Variants in CNTN4 observed in about 807,000 individuals in gnomAD.
The protein encoded by CNTN4 is contactin-4.
In CNTN4, 77 loss-of-function variants were observed where a neutral mutation model predicts 122.5. That is an observed-to-expected ratio of 0.63 (90% CI 0.52 to 0.76). CNTN4 has a LOEUF of 0.76. Ranked by LOEUF, CNTN4 falls within the 30% of genes least tolerant of loss-of-function variation. The pLI is 0.00. For synonymous variants in CNTN4, 512 were observed against 447.0 expected (o/e 1.15, Z -1.83); for missense variants, 1,256 against 1,259.1 (o/e 1.00, Z 0.04).
chr3:2,947,105 C>G (rs2094686978), intron 13 of CNTN4, among the ~76,000 whole-genome samples: 1 of 152,102 alleles, frequency 6.6e-6, no homozygotes, highest in Admixed American at 6.6e-5. Flanking sequence ...TCCTTGTATC[C>G]CAAATTAAGA....
At chr3:3,015,942 T>A (rs1430093884) in intron 14 of CNTN4, among the ~76,000 whole-genome samples, 3 of 152,248 alleles carry the variant, frequency 2.0e-5, no homozygotes, top group African/African-American at 7.2e-5. Context: ...ACATTGACTA[T>A]GATGAAATTT....
At chr3:2,117,478 T>C (rs1381027794) in intron 2 of CNTN4, among the ~76,000 whole-genome samples, 1 of 152,196 alleles carries the variant, frequency 6.6e-6, no homozygotes, top group Non-Finnish European at 1.5e-5. Context: ...GATCAAAGTA[T>C]TGGCCATTGG....
In CNTN4 at chr3:2,547,230, ATATTTATTTATTTATTTATTTATT is replaced by A. The variant is rs34165597; in HGVS notation, c.-88-24160_-88-24137del. ...AGAGAAGAGATCAGGGTTTTGTATGATATTTATTTATTTATTTATTTATTTATTTATTTATTTATTTATTTATTT... is the reference window on the plus strand; with the variant it reads ...AGAGAAGAGATCAGGGTTTTGTATGATATTTATTTATTTATTTATTTATTT... On this transcript the variant is annotated intron_variant, in intron 3 of 24. Transcript: ENST00000418658. 9.4e-3 allele frequency among the ~76,000 whole-genome samples: 1,358 copies of A among 144,318 alleles called. 12 individuals carry two copies. Among genetic ancestry groups the A allele is most frequent in the Middle Eastern group, 0.025 (7 of 280 alleles). The allele number at this position is 144,318 out of a possible 152,430, so 94.7% of individuals were successfully genotyped here.
chr3:2,807,765 C>T lies in CNTN4; in HGVS notation c.359-11721C>T, dbSNP rs558662832. 2.0e-5 allele frequency among the ~76,000 whole-genome samples: 3 copies of T among 152,190 alleles called. No individual in the cohort carries two copies. The South Asian group carries it at 6.2e-4, about 32-fold the overall frequency. On this transcript the variant is annotated intron_variant, in intron 6 of 24. Transcript: ENST00000418658. Reference sequence around the variant, plus strand: ...TAGTTCAAAATCCTGAAACTGAGTACAGAGTGAAGAGTCTTCTATTAGCTT... The same window carrying T: ...TAGTTCAAAATCCTGAAACTGAGTATAGAGTGAAGAGTCTTCTATTAGCTT...
chr3:2,508,379 A>G (rs571598279), intron 3 of CNTN4, among the ~76,000 whole-genome samples: 2 of 152,350 alleles, frequency 1.3e-5, no homozygotes, highest in Admixed American at 1.3e-4. Context: ...ACTTTCAAGA[A>G]GAAGCAATGA....
chr3:2,524,020 C>G lies in CNTN4; in HGVS notation c.-88-47396C>G, dbSNP rs1351279. Among the ~76,000 whole-genome samples, 588 of 152,168 alleles carry G rather than the reference C, an allele frequency of 3.9e-3. 5 individuals carry two copies. The highest frequency in any genetic ancestry group is 0.013 in the African/African-American group (557 of 41,540). ...ATGGTATAATTCTTATGTCATACAA[C>G]TAACACATTTAAATTGTACAATTCA... On this transcript the variant is annotated intron_variant, in intron 3 of 24. Transcript: ENST00000418658.
At chr3:2,558,045 G>A (rs2078794366) in intron 3 of CNTN4, among the ~76,000 whole-genome samples, 1 of 152,108 alleles carries the variant, frequency 6.6e-6, no homozygotes, top group African/African-American at 2.4e-5. Flanking sequence ...TAGCTCCACT[G>A]ATGTAAAAAC....
intron 2 of CNTN4, among the ~76,000 whole-genome samples, chr3:2,283,495 CA>C (rs1266334754): frequency 2.0e-5 from 3 of 151,996 alleles, no homozygotes; most frequent in Non-Finnish European, 4.4e-5. Context: ...AACAGGCTCA[CA>C]AAGCAGTACA....
chr3:2,196,597 C>T (rs2037843667), intron 2 of CNTN4, among the ~76,000 whole-genome samples: 1 of 152,068 alleles, frequency 6.6e-6, no homozygotes, highest in Non-Finnish European at 1.5e-5. Flanking sequence ...CATCATTCAA[C>T]AGTTACTAGT....
intron 4 of CNTN4, among the ~76,000 whole-genome samples, chr3:2,722,386 G>A (rs1485037079): frequency 1.3e-5 from 2 of 152,102 alleles, no homozygotes; most frequent in Non-Finnish European, 2.9e-5. Context: ...ATTATCCCCT[G>A]TCAGTTACTT....
chr3:2,444,078 G>T (rs1290220416), intron 3 of CNTN4, among the ~76,000 whole-genome samples: 1 of 151,910 alleles, frequency 6.6e-6, no homozygotes, highest in African/African-American at 2.4e-5. Context: ...ATGTAATTTT[G>T]TATATATTTA....
chr3:2,598,056 G>C (rs564349372), intron 4 of CNTN4, among the ~76,000 whole-genome samples: 211 of 152,078 alleles, frequency 1.4e-3, no homozygotes, highest in African/African-American at 4.9e-3. Flanking sequence ...CTTTTTTGCA[G>C]CCTTCCCTTA....
At chr3:2,137,618 C>G (rs1218234959) in intron 2 of CNTN4, among the ~76,000 whole-genome samples, 4 of 151,846 alleles carry the variant, frequency 2.6e-5, no homozygotes, top group African/African-American at 9.7e-5. Flanking sequence ...GTTTATGAAC[C>G]TTGTGTAGAA....
intron 13 of CNTN4, among the ~76,000 whole-genome samples, chr3:2,962,259 C>A (rs1192920221): frequency 2.6e-5 from 4 of 152,162 alleles, no homozygotes; most frequent in Admixed American, 2.6e-4. Flanking sequence ...CTAGATAGAG[C>A]CATTCACTTT....
chr3:2,153,047 C>T (rs1449883873), intron 2 of CNTN4, among the ~76,000 whole-genome samples: 1 of 152,102 alleles, frequency 6.6e-6, no homozygotes, highest in Non-Finnish European at 1.5e-5. Context: ...TGTTGTAAGC[C>T]AATGAGTTTG....
chr3:2,792,386 G>C (rs1486901835), intron 6 of CNTN4, among the ~76,000 whole-genome samples: 1 of 152,156 alleles, frequency 6.6e-6, no homozygotes, highest in Non-Finnish European at 1.5e-5. Flanking sequence ...CAAGATCCAT[G>C]ATCCTCCTAG....
intron 4 of CNTN4, among the ~76,000 whole-genome samples, chr3:2,720,668 C>T (rs1382389793): frequency 6.6e-6 from 1 of 152,200 alleles, no homozygotes; most frequent in East Asian, 1.9e-4. Flanking sequence ...AACAAGGGTG[C>T]ATTCTCCTTC....
At chr3:2,642,988 C>G (rs1420952652) in intron 4 of CNTN4, among the ~76,000 whole-genome samples, 1 of 152,136 alleles carries the variant, frequency 6.6e-6, no homozygotes, top group Admixed American at 6.5e-5. Context: ...AAATATACCT[C>G]ATAGGGCAGA....
At chr3:2,272,177 T>G (rs1183076135) in intron 2 of CNTN4, among the ~76,000 whole-genome samples, 1 of 151,798 alleles carries the variant, frequency 6.6e-6, no homozygotes, top group African/African-American at 2.4e-5. Flanking sequence ...GTTTTTTTTC[T>G]GATTATAACA....
Sources: allele counts gnomAD v4.1 joint callset (sites outside exome capture counted in the v4.1 genomes callset), GRCh38; gene constraint gnomAD v4.1.1; transcripts MANE v1.5; gene names NCBI Gene and HGNC (gene_info 2026-07-23, HGNC 2026-07-21).